TBC1D5: variants seen among roughly 807,000 people sequenced by gnomAD.
TBC1D5 encodes the protein TBC1 domain family, member 5.
A neutral mutation model predicts 100.3 loss-of-function variants in TBC1D5; 75 were observed. That is an observed-to-expected ratio of 0.75 (90% CI 0.62 to 0.91). The LOEUF (loss-of-function observed/expected upper bound fraction) is 0.91, where lower values mean the gene tolerates loss of function less well. Ranked by LOEUF, TBC1D5 falls within the 40% of genes least tolerant of loss-of-function variation. The pLI, the probability that TBC1D5 is intolerant of heterozygous loss-of-function variation, is 0.00. For missense variants in TBC1D5, 910 were observed against 942.4 expected (o/e 0.97, Z 0.45); for synonymous variants, 323 against 325.6 (o/e 0.99, Z 0.09).
At chr3:17,560,102 T>C (rs1387067293) in intron 2 of TBC1D5, among the ~76,000 whole-genome samples, 1 of 152,196 alleles carries the variant, frequency 6.6e-6, no homozygotes, top group East Asian at 1.9e-4. Flanking sequence ...GCACCTATAG[T>C]CCTATCTAAG....
At chr3:17,395,916 A>G (rs1282622946) in intron 8 of TBC1D5, among the ~76,000 whole-genome samples, 1 of 152,192 alleles carries the variant, frequency 6.6e-6, no homozygotes, top group Admixed American at 6.5e-5. Context: ...GGAGCAGTAC[A>G]GGAAAGATAC....
intron 13 of TBC1D5, among the ~76,000 whole-genome samples, chr3:17,344,557 A>G (rs1412236511): frequency 1.3e-5 from 2 of 152,072 alleles, no homozygotes; most frequent in African/African-American, 4.8e-5. Flanking sequence ...ACAGAATTGG[A>G]AAAAACTACT....
At chr3:17,171,509 C>T (rs1451162232) in intron 19 of TBC1D5, among the ~76,000 whole-genome samples, 1 of 152,170 alleles carries the variant, frequency 6.6e-6, no homozygotes, top group Non-Finnish European at 1.5e-5. Flanking sequence ...CTCCTTGACT[C>T]TGCTTAGCTT....
chr3:17,358,940 G>T (rs1189557393), intron 13 of TBC1D5, among the ~76,000 whole-genome samples: 1 of 151,838 alleles, frequency 6.6e-6, no homozygotes, highest in East Asian at 1.9e-4. Context: ...ATTAGAGAAA[G>T]CAAATTTTAA....
intron 14 of TBC1D5, 24 bp downstream of exon 14, chr3:17,307,968 G>A (rs888067091): frequency 1.3e-6 from 2 of 1,589,988 alleles, no homozygotes; most frequent in African/African-American, 2.7e-5. Flanking sequence ...CTAGTCAAAT[G>A]TAGGAAAGGT....
chr3:17,472,876 C>T (rs550783383), intron 3 of TBC1D5, among the ~76,000 whole-genome samples: 1 of 152,330 alleles, frequency 6.6e-6, no homozygotes, highest in South Asian at 2.1e-4. Flanking sequence ...AGACCTATTA[C>T]ATTCTAAATA....
intron 2 of TBC1D5, among the ~76,000 whole-genome samples, chr3:17,572,525 C>G (rs1056320277): frequency 2.0e-5 from 3 of 152,008 alleles, no homozygotes; most frequent in Non-Finnish European, 2.9e-5. Flanking sequence ...CTCTGCTGCT[C>G]TGTGTCTCCC....
At chr3:17,233,611 T>TG in intron 17 of TBC1D5, 74 bp downstream of exon 18, 9 of 846,008 alleles carry the variant, frequency 1.1e-5, no homozygotes, top group Non-Finnish European at 1.6e-5. Context: ...AAAAGAAAAA[T>TG]GGAGTTTTGG....
Position 17,400,706 on chromosome 3 carries a change from C to G in TBC1D5, c.509+2475G>C, listed in dbSNP as rs189162305. ...GCCCCATCCTCACTCTGGATGGGCA[C>G]CATCTAATCAGCTGCCAGTGTGGCT... On this transcript the variant is annotated intron_variant, in intron 8 of 21. Coordinates refer to ENST00000253692, the Ensembl canonical transcript of TBC1D5. Among the ~76,000 whole-genome samples, 20 of 152,164 alleles carry G rather than the reference C, an allele frequency of 1.3e-4. No homozygotes were observed. In the East Asian group the frequency reaches 3.9e-3, roughly 29 times the overall value.
chr3:17,723,210 T>C (rs1462968641), intron 1 of TBC1D5, among the ~76,000 whole-genome samples: 1 of 152,186 alleles, frequency 6.6e-6, no homozygotes, highest in African/African-American at 2.4e-5. Context: ...AATAAATGTT[T>C]CAGGGGATGG....
intron 19 of TBC1D5, among the ~76,000 whole-genome samples, chr3:17,178,208 T>A (rs371449657): frequency 6.6e-6 from 1 of 151,686 alleles, no homozygotes; most frequent in South Asian, 2.1e-4. Context: ...TGGGACTACA[T>A]GCGCCCACCA....
At chr3:17,362,255 C>T (rs1242135622) in intron 13 of TBC1D5, among the ~76,000 whole-genome samples, 3 of 152,070 alleles carry the variant, frequency 2.0e-5, no homozygotes, top group Non-Finnish European at 4.4e-5. Context: ...AAACAATCTC[C>T]ATAAAAGAAA....
intron 1 of TBC1D5, among the ~76,000 whole-genome samples, chr3:17,669,111 A>G (rs1173294532): frequency 6.6e-6 from 1 of 152,232 alleles, no homozygotes. Context: ...TTACCCTCAT[A>G]CTGTTCTCAT....
At chr3:17,371,267 TA>T (rs1407688756) in intron 13 of TBC1D5, among the ~76,000 whole-genome samples, 1 of 152,166 alleles carries the variant, frequency 6.6e-6, no homozygotes, top group Non-Finnish European at 1.5e-5. Flanking sequence ...TCATATGATA[TA>T]ATGGAAAGAA....
chr3:17,450,161 C>A (rs2094892858), intron 3 of TBC1D5, among the ~76,000 whole-genome samples: 2 of 152,138 alleles, frequency 1.3e-5, no homozygotes, highest in Admixed American at 1.3e-4. Flanking sequence ...AGAAAGTAAA[C>A]TAACAAACAG....
intron 15 of TBC1D5, among the ~76,000 whole-genome samples, chr3:17,280,940 G>C (rs2733523): frequency 3.3e-5 from 5 of 151,988 alleles, no homozygotes; most frequent in Admixed American, 6.5e-5. Context: ...AGTGGGGCCC[G>C]CATGGAGTTT....
At chr3:17,461,499 A>T (rs2095209128) in intron 3 of TBC1D5, among the ~76,000 whole-genome samples, 3 of 152,186 alleles carry the variant, frequency 2.0e-5, no homozygotes, top group Non-Finnish European at 4.4e-5. Context: ...TGGCTTCATA[A>T]CCTAACCTAC....
chr3:17,226,738 T>A (rs1457068022), intron 17 of TBC1D5, among the ~76,000 whole-genome samples: 5 of 152,194 alleles, frequency 3.3e-5, no homozygotes, highest in African/African-American at 1.2e-4. Context: ...CCCCAGGTAC[T>A]GATCTCAAGG....
intron 15 of TBC1D5, among the ~76,000 whole-genome samples, chr3:17,283,577 A>T (rs1031118609): frequency 5.9e-5 from 9 of 152,170 alleles, no homozygotes; most frequent in African/African-American, 1.9e-4. Context: ...TGACCATGTG[A>T]CGGCCAAGAG....
Sources: gnomAD v4.1 joint callset for allele counts (sites outside exome capture counted in the v4.1 genomes callset) on GRCh38, gnomAD v4.1.1 for gene constraint, MANE v1.5 for transcripts, NCBI Gene and HGNC (gene_info 2026-07-23, HGNC 2026-07-21) for gene names.